Variants in EPAS1 observed in about 807,000 individuals in gnomAD.
EPAS1 encodes the protein endothelial PAS domain protein 1.
A neutral mutation model predicts 87.9 loss-of-function variants in EPAS1; 23 were observed. That is an observed-to-expected ratio of 0.26 (90% CI 0.19 to 0.37). The LOEUF is 0.37. Ranked by LOEUF, EPAS1 falls within the 10% of genes least tolerant of loss-of-function variation. The probability of loss-of-function intolerance (pLI) is 1.00; values close to 1 mark genes in which losing one functional copy is unlikely to be tolerated. For missense variants in EPAS1, 1,138 were observed against 1,120.7 expected, an observed-to-expected ratio of 1.02 and a Z score of -0.22; for synonymous variants, 508 against 444.3, an observed-to-expected ratio of 1.14 and a Z score of -1.80.
intron 1 of EPAS1, among the ~76,000 whole-genome samples, chr2:46,311,826 C>A (rs1312318917): frequency 6.6e-6 from 1 of 152,152 alleles, no homozygotes; most frequent in East Asian, 1.9e-4. Flanking sequence ...CTGTGGCCGC[C>A]AGCCAGCCCA....
intron 6 of EPAS1, among the ~76,000 whole-genome samples, chr2:46,367,672 C>G (rs1325503162): frequency 6.6e-6 from 1 of 152,230 alleles, no homozygotes; most frequent in Non-Finnish European, 1.5e-5. Context: ...CTGAGACTGG[C>G]TGGCTGGCAC....
intron 1 of EPAS1, among the ~76,000 whole-genome samples, chr2:46,312,861 C>A (rs377691274): frequency 6.6e-6 from 1 of 152,138 alleles, no homozygotes; most frequent in Non-Finnish European, 1.5e-5. Flanking sequence ...CCTGTTTTTC[C>A]CTCCCCTGTG....
At chr2:46,341,216 T>C (rs545720227) in intron 1 of EPAS1, among the ~76,000 whole-genome samples, 9 of 152,310 alleles carry the variant, frequency 5.9e-5, no homozygotes, top group African/African-American at 2.2e-4. Flanking sequence ...ATACCTTCAA[T>C]TGTGGCAAAG....
chr2:46,328,580 GCTCT>G (rs1683611170), intron 1 of EPAS1, among the ~76,000 whole-genome samples: 1 of 152,168 alleles, frequency 6.6e-6, no homozygotes, highest in South Asian at 2.1e-4. Context: ...CCTTCACAGA[GCTCT>G]CTGTTGAATT....
In EPAS1 at chr2:46,375,253, C is replaced by G. The variant is rs953949228; in HGVS notation, c.887-437C>G. On this transcript the variant is annotated intron_variant, in intron 7 of 15. Coordinates refer to ENST00000263734, the MANE Select transcript of EPAS1 (RefSeq NM_001430.5). The surrounding 1 kb of genome is among the most constrained non-coding windows in gnomAD (Gnocchi z 4.1). Reference sequence around the variant, plus strand: ...TCTCCAGGCTGCTTAGAAGTCCCCCCACCTGGAGTGCTTGACGGGATGGCG... The same window carrying G: ...TCTCCAGGCTGCTTAGAAGTCCCCCGACCTGGAGTGCTTGACGGGATGGCG... Among the ~76,000 whole-genome samples, 3 of 110,668 alleles carry G rather than the reference C, an allele frequency of 2.7e-5. No homozygotes were observed. Among genetic ancestry groups the G allele is most frequent in the Admixed American group, 7.8e-5 (1 of 12,868 alleles). 72.6% of individuals were successfully genotyped at this position (110,668 alleles called of 152,430 possible). A position where few individuals can be genotyped will look rare whatever the true frequency, so the allele number is the denominator to read the frequency against.
chr2:46,354,031 G>C (rs1401736569), intron 2 of EPAS1, among the ~76,000 whole-genome samples: 1 of 152,230 alleles, frequency 6.6e-6, no homozygotes, highest in East Asian at 1.9e-4. Context: ...AAGATAGCTG[G>C]TCCCCTTTGC....
At chr2:46,322,671 T>C (rs1010317233) in intron 1 of EPAS1, among the ~76,000 whole-genome samples, 3 of 152,208 alleles carry the variant, frequency 2.0e-5, no homozygotes, top group Admixed American at 2.0e-4. Flanking sequence ...AGCTGAGATG[T>C]AGAGAGGCCA....
intron 6 of EPAS1, among the ~76,000 whole-genome samples, chr2:46,363,017 G>GTGGTGATGA (rs1410002978): frequency 1.2e-3 from 169 of 144,154 alleles, no homozygotes; most frequent in South Asian, 3.3e-3. Flanking sequence ...GGTGGTGGTG[G>GTGGTGATGA]TGATAATGAT....
chr2:46,366,657 T>C (rs1684507412), intron 6 of EPAS1, among the ~76,000 whole-genome samples: 1 of 152,204 alleles, frequency 6.6e-6, no homozygotes, highest in Non-Finnish European at 1.5e-5. Flanking sequence ...ACTTTGAAAT[T>C]TACGGGTGAC....
chr2:46,337,154 T>C (rs993084745), intron 1 of EPAS1, among the ~76,000 whole-genome samples: 1 of 152,218 alleles, frequency 6.6e-6, no homozygotes, highest in African/African-American at 2.4e-5. Flanking sequence ...CTACTGATGC[T>C]TTAGAGGACA....
In EPAS1 at chr2:46,375,752, G is replaced by A. The variant is rs762258398; in HGVS notation, c.949G>A (p.Val317Met). ...GATGCTCGCAAAGCATGGGGGCTAC[G>A]TGTGGCTGGAGACCCAGGGGACGGT... ...YRMLAKHGGYVWLETQGTVIY... is the reference protein window; with the variant it reads ...YRMLAKHGGYMWLETQGTVIY... The change falls in exon 8 of 16, where the codon GTG becomes ATG. Residue 317 changes from valine to methionine, a missense_variant. Val to Met is a conservative substitution (Grantham distance 21). This residue lies in a region of EPAS1 where 351 missense variants were observed against 417.1 expected (regional missense o/e 0.84). Transcript: ENST00000263734. The surrounding 1 kb of genome is among the most constrained non-coding windows in gnomAD (Gnocchi z 4.1). 1.2e-5 allele frequency: 20 copies of A among 1,614,102 alleles called. No homozygotes were observed. The highest frequency in any genetic ancestry group is 1.6e-4 in the Middle Eastern group (1 of 6,084).
Position 46,347,981 on chromosome 2 carries a change from GGTT to G in EPAS1, c.217+922_217+924del, listed in dbSNP as rs1572631808. Among the ~76,000 whole-genome samples the G allele has an allele frequency of 6.6e-6, 1 of 152,148 alleles. No individual in the cohort carries two copies. The highest frequency in any genetic ancestry group is 2.4e-5 in the African/African-American group (1 of 41,410). On this transcript the variant is annotated intron_variant, in intron 2 of 15. Coordinates refer to ENST00000263734, the MANE Select transcript of EPAS1 (RefSeq NM_001430.5). This position sits in a 1 kb window ranked among gnomAD's most constrained non-coding sequence, Gnocchi z 4.2. Reference sequence around the variant, plus strand: ...ACTCAGGGAGGGAAGGTTCTTTTGTGGTTGTTTTTCAGTTTTCCGGAGTAAGCC... The same window carrying G: ...ACTCAGGGAGGGAAGGTTCTTTTGTGGTTTTTCAGTTTTCCGGAGTAAGCC...
At position 46,378,639 on chromosome 2, in the gene EPAS1, C is replaced by G; in HGVS notation, c.1444-18C>G. On this transcript the variant is annotated intron_variant, in intron 10 of 15. Transcript: ENST00000263734. ...GTGCCATATCTTTGACTCTGTCCCC[C>G]TCCTTCCTGGCCCCTAGCCCAATAG... 3.7e-6 allele frequency: 6 copies of G among 1,608,532 alleles called. No individual in the cohort carries two copies. Among genetic ancestry groups the G allele is most frequent in the Non-Finnish European group, 5.1e-6 (6 of 1,174,936 alleles).
chr2:46,382,047 C>T lies in EPAS1; in HGVS notation c.2245C>T (p.Pro749Ser). 1.2e-6 allele frequency: 2 copies of T among 1,613,936 alleles called. No individual in the cohort carries two copies. Among genetic ancestry groups the T allele is most frequent in the Non-Finnish European group, 1.7e-6 (2 of 1,180,018 alleles). ...GAAGAACCTCAGGGGTGGGAGCTGC[C>T]CTTTGATGCCGGACAAGCCACTGAG... Reference protein sequence around the residue: ...RMKNLRGGSCPLMPDKPLSAN... With the variant: ...RMKNLRGGSCSLMPDKPLSAN... Residue 749 changes from proline to serine, a missense_variant, in exon 14 of 16, where the codon CCT becomes TCT. This residue lies in a region of EPAS1 where 502 missense variants were observed against 427.1 expected (regional missense o/e 1.18). Coordinates refer to ENST00000263734, the MANE Select transcript of EPAS1 (RefSeq NM_001430.5).
chr2:46,311,643 G>T (rs1477718035), intron 1 of EPAS1, among the ~76,000 whole-genome samples: 1 of 152,196 alleles, frequency 6.6e-6, no homozygotes. Flanking sequence ...TGAAACCTGT[G>T]AACATATCCA....
chr2:46,365,520 G>A (rs1684483053), intron 6 of EPAS1, among the ~76,000 whole-genome samples: 1 of 152,146 alleles, frequency 6.6e-6, no homozygotes, highest in Non-Finnish European at 1.5e-5. Flanking sequence ...TCAGTAAGGA[G>A]AACTATAAAG....
intron 4 of EPAS1, among the ~76,000 whole-genome samples, chr2:46,357,336 C>T (rs967712418): frequency 2.6e-5 from 4 of 152,172 alleles, no homozygotes; most frequent in South Asian, 2.1e-4. Context: ...AGCTCACACA[C>T]GTCTGGGACC....
chr2:46,304,009 C>T (rs1047663671), intron 1 of EPAS1, among the ~76,000 whole-genome samples: 1 of 152,198 alleles, frequency 6.6e-6, no homozygotes, highest in Non-Finnish European at 1.5e-5. Flanking sequence ...GTGCCCTGCA[C>T]AGGGTAAATA....
chr2:46,380,817 G>T lies in EPAS1; in HGVS notation c.2045+100G>T. The T allele has an allele frequency of 6.3e-7, 1 of 1,578,074 alleles. No homozygotes were observed. Among genetic ancestry groups the T allele is most frequent in the Non-Finnish European group, 8.6e-7 (1 of 1,163,798 alleles). On this transcript the variant is annotated intron_variant, in intron 12 of 15. Coordinates refer to ENST00000263734, the MANE Select transcript of EPAS1 (RefSeq NM_001430.5). The surrounding 1 kb of genome is among the most constrained non-coding windows in gnomAD (Gnocchi z 4.4). ...AGGGAGGCCCCTGCCCCTCTCCCCA[G>T]CCATCTGATACCCCATTTAGCCCTT...
Sources: allele counts gnomAD v4.1 joint callset (sites outside exome capture counted in the v4.1 genomes callset), GRCh38; gene constraint gnomAD v4.1.1; regional missense constraint gnomAD v4.1.1; non-coding constraint Gnocchi (gnomAD v3.1); transcripts MANE v1.5; gene names NCBI Gene and HGNC (gene_info 2026-07-23, HGNC 2026-07-21).